The following CNTNAP2 variants were observed in gnomAD, a reference collection of about 807,000 sequenced individuals.
CNTNAP2 encodes the protein contactin associated protein 2.
Under a neutral mutation model 155.2 loss-of-function variants are expected in CNTNAP2, and 98 were observed. The ratio of observed to expected loss-of-function variants is 0.63; its 90% CI spans 0.54 to 0.75. CNTNAP2 has a LOEUF of 0.75. Among genes scored for constraint, CNTNAP2 ranks in the 30% least tolerant of loss-of-function variants. The pLI is 0.00. For missense variants in CNTNAP2, 1,727 were observed against 1,688.1 expected (o/e 1.02, Z -0.40); for synonymous variants, 651 against 631.2 (o/e 1.03, Z -0.47).
intron 12 of CNTNAP2, among the ~76,000 whole-genome samples, chr7:147,623,964 G>C (rs76625059): frequency 6.6e-6 from 1 of 151,840 alleles, no homozygotes; most frequent in Non-Finnish European, 1.5e-5. Flanking sequence ...AATCCACACA[G>C]CTACAGCGAA....
intron 9 of CNTNAP2, among the ~76,000 whole-genome samples, chr7:147,308,753 A>C (rs918479379): frequency 6.6e-6 from 1 of 152,182 alleles, no homozygotes; most frequent in East Asian, 1.9e-4. Context: ...CCTCCCAAAC[A>C]AAATTCCCAG....
chr7:146,651,690 T>C (rs978987637), intron 1 of CNTNAP2, among the ~76,000 whole-genome samples: 1 of 152,174 alleles, frequency 6.6e-6, no homozygotes, highest in Non-Finnish European at 1.5e-5. Flanking sequence ...AACATTATGA[T>C]ATTCTCTTAT....
chr7:146,499,016 C>CA (rs1282051350), intron 1 of CNTNAP2, among the ~76,000 whole-genome samples: 3 of 152,162 alleles, frequency 2.0e-5, no homozygotes, highest in South Asian at 2.1e-4. Context: ...CCTCTACATT[C>CA]AGCCTTCCAT....
chr7:146,822,487 TA>T (rs1297038516), intron 2 of CNTNAP2, among the ~76,000 whole-genome samples: 120 of 144,244 alleles, frequency 8.3e-4, no homozygotes, highest in Middle Eastern at 3.5e-3. Context: ...TACAAAAATT[TA>T]AAAAAAAAAA....
At chr7:147,486,186 CA>C (rs4015951) in intron 11 of CNTNAP2, 145 bp downstream of exon 11, 6,010 of 557,808 alleles carry the variant, frequency 0.011, 1 homozygote, top group South Asian at 0.017. Context: ...GTCATTTCTC[CA>C]AAAAAAAAAA....
chr7:146,723,781 T>C (rs905697448), intron 1 of CNTNAP2, among the ~76,000 whole-genome samples: 8 of 152,226 alleles, frequency 5.3e-5, no homozygotes, highest in African/African-American at 1.7e-4. Context: ...GTTGGTTCTC[T>C]ATGAAATAAT....
intron 1 of CNTNAP2, among the ~76,000 whole-genome samples, chr7:146,514,043 C>T (rs1797506695): frequency 6.6e-6 from 1 of 151,832 alleles, no homozygotes; most frequent in African/African-American, 2.4e-5. Context: ...TCATTCCATT[C>T]CACCTGGCCT....
At chr7:147,977,768 A>T (rs1418002445) in intron 14 of CNTNAP2, 94 bp from the exon 15 acceptor site, 1 of 1,540,706 alleles carries the variant, frequency 6.5e-7, no homozygotes, top group African/African-American at 1.4e-5. Flanking sequence ...ACGATTACTG[A>T]AATGTCATCA....
intron 1 of CNTNAP2, among the ~76,000 whole-genome samples, chr7:146,303,516 C>T (rs576137455): frequency 3.2e-4 from 48 of 152,090 alleles, no homozygotes; most frequent in African/African-American, 1.1e-3. Context: ...TGAACTTATT[C>T]CTGTTGCATA....
chr7:148,226,998 G>A (rs773954526), intron 19 of CNTNAP2, among the ~76,000 whole-genome samples: 6 of 152,290 alleles, frequency 3.9e-5, no homozygotes, highest in Non-Finnish European at 7.4e-5. Flanking sequence ...CAAGGATCAA[G>A]TTTGCTGCAG....
intron 1 of CNTNAP2, among the ~76,000 whole-genome samples, chr7:146,252,421 C>T (rs917668747): frequency 6.6e-6 from 1 of 152,174 alleles, no homozygotes; most frequent in Non-Finnish European, 1.5e-5. Flanking sequence ...GAAAGTCGCT[C>T]CTCCTTTATA....
intron 9 of CNTNAP2, among the ~76,000 whole-genome samples, chr7:147,385,067 T>G (rs1796602693): frequency 6.6e-6 from 1 of 152,110 alleles, no homozygotes; most frequent in African/African-American, 2.4e-5. Context: ...GAGAGAGAAC[T>G]TGTGCAGGGA....
At chr7:146,910,678 G>A (rs1044300643) in intron 3 of CNTNAP2, among the ~76,000 whole-genome samples, 64 of 150,406 alleles carry the variant, frequency 4.3e-4, no homozygotes, top group Admixed American at 1.5e-3. Flanking sequence ...AGATTTAAAC[G>A]TTAGACCTAA....
chr7:147,313,162 G>C (rs1795156825), intron 9 of CNTNAP2, among the ~76,000 whole-genome samples: 1 of 150,570 alleles, frequency 6.6e-6, no homozygotes, highest in Non-Finnish European at 1.5e-5. Context: ...CTGGATTTTA[G>C]CCCTTTGTCA....
chr7:147,958,633 T>A (rs760231722), intron 14 of CNTNAP2, among the ~76,000 whole-genome samples: 7 of 152,208 alleles, frequency 4.6e-5, no homozygotes, highest in Non-Finnish European at 8.8e-5. Flanking sequence ...ATAACTGAAC[T>A]ATTACAGATT....
chr7:147,732,077 G>A (rs1796749693), intron 13 of CNTNAP2, among the ~76,000 whole-genome samples: 1 of 151,862 alleles, frequency 6.6e-6, no homozygotes, highest in South Asian at 2.1e-4. Context: ...TAGTGTACAT[G>A]TGCACAGTGA....
chr7:146,947,557 GTATATATATATATATATACATATA>G lies in CNTNAP2; in HGVS notation c.403-96332_403-96309del, dbSNP rs1280775160. On this transcript the variant is annotated intron_variant, in intron 3 of 23. Transcript: ENST00000361727. The stretch of plus-strand genomic sequence containing the variant: ...TGTGTGTGTGTATGTGTGTGTGTGT[GTATATATATATATATATACATATA>G]TATATATATATATATATGTATATAT... Among the ~76,000 whole-genome samples, 12 of 50,732 alleles carry G rather than the reference GTATATATATATATATATACATATA, an allele frequency of 2.4e-4. 1 individual carries two copies. The highest frequency in any genetic ancestry group is 2.3e-4 in the African/African-American group (4 of 17,632). 33.3% of individuals were successfully genotyped at this position (50,732 alleles called of 152,430 possible).
intron 10 of CNTNAP2, among the ~76,000 whole-genome samples, chr7:147,460,956 A>C (rs1346855225): frequency 1.3e-5 from 2 of 152,184 alleles, no homozygotes; most frequent in East Asian, 3.9e-4. Flanking sequence ...GGGAGAGTAG[A>C]ACTTTTTTTG....
At chr7:147,484,805 C>T (rs1798483087) in intron 10 of CNTNAP2, among the ~76,000 whole-genome samples, 1 of 152,186 alleles carries the variant, frequency 6.6e-6, no homozygotes, top group Non-Finnish European at 1.5e-5. Flanking sequence ...AAAGGGGTGG[C>T]TCTTTATCTG....
Sources: allele counts gnomAD v4.1 joint callset (sites outside exome capture counted in the v4.1 genomes callset), GRCh38; gene constraint gnomAD v4.1.1; transcripts MANE v1.5; gene names NCBI Gene and HGNC (gene_info 2026-07-23, HGNC 2026-07-21).